The following DCP2 variants were observed in gnomAD, a reference collection of about 807,000 sequenced individuals.
The protein encoded by DCP2 is m7GpppN-mRNA hydrolase.
A neutral mutation model predicts 56.1 loss-of-function variants in DCP2; 30 were observed. That is an observed-to-expected ratio of 0.53 (90% CI 0.40 to 0.73). DCP2 has a LOEUF of 0.73. Ranked by LOEUF, DCP2 falls within the 30% of genes least tolerant of loss-of-function variation. The probability of loss-of-function intolerance (pLI) is 0.00; values close to 1 mark genes in which losing one functional copy is unlikely to be tolerated. For synonymous variants in DCP2, 197 were observed against 163.3 expected (o/e 1.21, Z -1.57); for missense variants, 533 against 502.7 (o/e 1.06, Z -0.58).
intron 1 of DCP2, among the ~76,000 whole-genome samples, chr5:112,985,122 C>T (rs1748216463): frequency 6.6e-6 from 1 of 152,108 alleles, no homozygotes; most frequent in African/African-American, 2.4e-5. Context: ...GTGATAGCTG[C>T]TTAATGACTG....
At chr5:113,003,453 G>C (rs1749273524) in intron 7 of DCP2, among the ~76,000 whole-genome samples, 1 of 152,074 alleles carries the variant, frequency 6.6e-6, no homozygotes, top group Non-Finnish European at 1.5e-5. Context: ...GCGTGTGTCT[G>C]TAGTCTCAGC....
intron 1 of DCP2, among the ~76,000 whole-genome samples, chr5:112,981,024 TTA>T (rs1437071868): frequency 7.2e-6 from 1 of 139,208 alleles, no homozygotes; most frequent in African/African-American, 2.5e-5. Context: ...CTTTGTGACT[TTA>T]TGATTTTTTT....
intron 9 of DCP2, 128 bp downstream of exon 9, chr5:113,008,170 G>C (rs1443346954): frequency 1.1e-5 from 8 of 743,014 alleles, no homozygotes; most frequent in Non-Finnish European, 1.5e-5. Flanking sequence ...TAGGATTTTT[G>C]TGTAGCTGAC....
intron 8 of DCP2, among the ~76,000 whole-genome samples, chr5:113,005,907 C>G (rs1031881231): frequency 6.6e-6 from 1 of 151,980 alleles, no homozygotes; most frequent in African/African-American, 2.4e-5. Flanking sequence ...CTGAGGCAGG[C>G]GGATTATTTG....
intron 4 of DCP2, among the ~76,000 whole-genome samples, chr5:112,994,167 T>TC (rs1290462185): frequency 7.0e-6 from 1 of 142,722 alleles, no homozygotes; most frequent in Non-Finnish European, 1.5e-5. Flanking sequence ...TTCTTTCTTT[T>TC]TTTTTTTTTT....
intron 1 of DCP2, chr5:112,984,523 AC>A (rs1340043983): frequency 1.3e-5 from 2 of 151,750 alleles, no homozygotes; most frequent in Non-Finnish European, 2.9e-5. Context: ...CCTTCCAGAT[AC>A]GTAAATTTAC....
In DCP2 at chr5:113,004,464, A is replaced by G. The variant is rs187397174; in HGVS notation, c.942+387A>G. Among the ~76,000 whole-genome samples the G allele has an allele frequency of 1.3e-3, 205 of 152,346 alleles. 1 individual carries two copies. Among genetic ancestry groups the G allele is most frequent in the African/African-American group, 4.7e-3 (197 of 41,576 alleles). The stretch of plus-strand genomic sequence containing the variant: ...TATTCGAGTGTATAATTACACTGCT[A>G]TTAATACTTGTTTTCCTTTTTTCCA... On this transcript the variant is annotated intron_variant, in intron 8 of 10. Transcript: ENST00000389063.
chr5:112,990,456 A>G (rs757529588), intron 2 of DCP2, among the ~76,000 whole-genome samples: 4 of 152,252 alleles, frequency 2.6e-5, no homozygotes, highest in Non-Finnish European at 5.9e-5. Flanking sequence ...ATGTAAAGCC[A>G]GAATTTTAAT....
intron 8 of DCP2, among the ~76,000 whole-genome samples, chr5:113,006,805 T>C (rs1266880608): frequency 6.6e-6 from 1 of 152,220 alleles, no homozygotes; most frequent in Non-Finnish European, 1.5e-5. Flanking sequence ...AACTATTGCA[T>C]GTCTAAGTTT....
intron 1 of DCP2, among the ~76,000 whole-genome samples, chr5:112,984,829 C>T (rs192235449): frequency 0.021 from 2,224 of 104,394 alleles, 34 homozygotes; most frequent in Non-Finnish European, 0.031. Context: ...CTTAGCCTCC[C>T]AAGCAGCTAG....
At chr5:112,980,721 TACAG>T (rs1468269980) in intron 1 of DCP2, among the ~76,000 whole-genome samples, 1 of 152,132 alleles carries the variant, frequency 6.6e-6, no homozygotes. Context: ...AAAATTAGAG[TACAG>T]ACAGATTTAT....
At chr5:113,012,850 G>T (rs1209092260) in intron 10 of DCP2, among the ~76,000 whole-genome samples, 1 of 151,770 alleles carries the variant, frequency 6.6e-6, no homozygotes, top group Non-Finnish European at 1.5e-5. Context: ...CACCATCTTG[G>T]CCAGGCTGGT....
Position 112,998,802 on chromosome 5 carries a change from C to A in DCP2, c.433-2282C>A, listed in dbSNP as rs543199991. ...AAGAGTAAATTGCAAACGTAATGCC[C>A]CTTTGTCCTTAATTGCTTCTGCATG... On this transcript the variant is annotated intron_variant, in intron 4 of 10. Coordinates refer to ENST00000389063, the MANE Select transcript of DCP2 (RefSeq NM_152624.6). Among the ~76,000 whole-genome samples, 4 of 152,236 alleles carry A rather than the reference C, an allele frequency of 2.6e-5. No homozygotes were observed. The South Asian group carries it at 6.2e-4, about 24-fold the overall frequency.
chr5:112,992,329 C>G, intron 3 of DCP2, 81 bp downstream of exon 3: 2 of 1,509,152 alleles, frequency 1.3e-6, no homozygotes, highest in African/African-American at 1.4e-5. Context: ...TGTAGTGTTT[C>G]TAAATTGAGG....
rs752347811 is a variant in DCP2 at position 113,013,358 on chromosome 5, G to A, written c.1137G>A (p.Gln379=). ...VYDLPSSSED[Q]LLEHAEGQPV... ...ACTTGCCTAGCTCCAGTGAAGACCAGTTGCTAGAACATGCTGAGGGACAGC... is the reference window on the plus strand; with the variant it reads ...ACTTGCCTAGCTCCAGTGAAGACCAATTGCTAGAACATGCTGAGGGACAGC... Residue 379 remains glutamine (Q), a synonymous_variant, in exon 11 of 11, where the codon CAG becomes CAA. Coordinates refer to ENST00000389063, the MANE Select transcript of DCP2 (RefSeq NM_152624.6). 6.2e-7 allele frequency: 1 copy of A among 1,614,112 alleles called. No homozygotes were observed. The highest frequency in any genetic ancestry group is 8.5e-7 in the Non-Finnish European group (1 of 1,179,976).
At chr5:112,980,815 T>C (rs1172690795) in intron 1 of DCP2, among the ~76,000 whole-genome samples, 3 of 152,212 alleles carry the variant, frequency 2.0e-5, no homozygotes, top group Admixed American at 6.5e-5. Flanking sequence ...TTGTTTTGTT[T>C]TGAGTTCTTC....
intron 2 of DCP2, among the ~76,000 whole-genome samples, chr5:112,989,421 A>T (rs889483471): frequency 6.4e-4 from 97 of 151,098 alleles, no homozygotes; most frequent in African/African-American, 2.2e-3. Flanking sequence ...AATGTTAACT[A>T]TTACTCCAAA....
chr5:112,978,222 G>A (rs1043018637), intron 1 of DCP2, among the ~76,000 whole-genome samples: 28 of 152,226 alleles, frequency 1.8e-4, no homozygotes, highest in Non-Finnish European at 1.3e-4. Flanking sequence ...TGATCCACCC[G>A]CCTCGGCCTC....
At position 112,976,926 on chromosome 5, in the gene DCP2, T is replaced by C; in HGVS notation, c.-8T>C. 6.2e-7 allele frequency: 1 copy of C among 1,612,690 alleles called. No individual in the cohort carries two copies. Among genetic ancestry groups the C allele is most frequent in the Non-Finnish European group, 8.5e-7 (1 of 1,179,012 alleles). On this transcript the variant is annotated 5_prime_UTR_variant, in exon 1 of 11. Coordinates refer to ENST00000389063, the MANE Select transcript of DCP2 (RefSeq NM_152624.6). ...CGGGATGCACTGTTCCTGCTGTGGG[T>C]CCTCATCATGGAGACCAAACGGGTG...
Sources: gnomAD v4.1 joint callset for allele counts (sites outside exome capture counted in the v4.1 genomes callset) on GRCh38, gnomAD v4.1.1 for gene constraint, MANE v1.5 for transcripts, NCBI Gene and HGNC (gene_info 2026-07-23, HGNC 2026-07-21) for gene names.